SAXO1: variants seen among roughly 807,000 people sequenced by gnomAD.
SAXO1 encodes the protein stabilizer of axonemal microtubules 1, also known as 4930500O09Rik.
Under a neutral mutation model 17.5 loss-of-function variants are expected in SAXO1, and 21 were observed. The ratio of observed to expected loss-of-function variants is 1.20; its 90% CI spans 0.85 to 1.72. SAXO1 has a LOEUF of 1.72. Ranked by LOEUF, SAXO1 falls within the 40% of genes most tolerant of loss-of-function variation. SAXO1 has a pLI of 0.00. For synonymous variants in SAXO1, 274 were observed against 216.5 expected, an observed-to-expected ratio of 1.27 and a Z score of -2.33; for missense variants, 843 against 596.0, an observed-to-expected ratio of 1.41 and a Z score of -4.32.
intron 1 of SAXO1, among the ~76,000 whole-genome samples, chr9:18,965,505 T>TG (rs1832679717): frequency 6.6e-6 from 1 of 152,138 alleles, no homozygotes; most frequent in Admixed American, 6.5e-5. Flanking sequence ...CATTATGTAA[T>TG]GCCATTGTCT....
At chr9:19,014,963 G>C (rs1311989138) in intron 1 of SAXO1, among the ~76,000 whole-genome samples, 2 of 152,208 alleles carry the variant, frequency 1.3e-5, no homozygotes, top group South Asian at 4.2e-4. Flanking sequence ...AATACTTAAG[G>C]GGGTGGAGAG....
At chr9:19,032,350 G>A (rs1835806524) in intron 1 of SAXO1, among the ~76,000 whole-genome samples, 1 of 152,204 alleles carries the variant, frequency 6.6e-6, no homozygotes, top group Non-Finnish European at 1.5e-5. Flanking sequence ...GGTTAGAAGG[G>A]AGACCTGGCA....
chr9:18,960,543 T>G (rs1331378345), intron 1 of SAXO1, among the ~76,000 whole-genome samples: 1 of 152,144 alleles, frequency 6.6e-6, no homozygotes, highest in African/African-American at 2.4e-5. Flanking sequence ...TTTGGAAGAC[T>G]GAGGTGTGCA....
At chr9:18,963,824 C>G (rs905787808) in intron 1 of SAXO1, among the ~76,000 whole-genome samples, 2 of 152,136 alleles carry the variant, frequency 1.3e-5, no homozygotes, top group Non-Finnish European at 2.9e-5. Flanking sequence ...ATTTCCAATA[C>G]TGTGTTGAAT....
chr9:19,006,804 G>A (rs1834498541), intron 1 of SAXO1, among the ~76,000 whole-genome samples: 1 of 152,174 alleles, frequency 6.6e-6, no homozygotes, highest in Non-Finnish European at 1.5e-5. Context: ...CTAGCCCTCT[G>A]GGAGGCTGAG....
chr9:19,012,114 A>G (rs4977485), intron 1 of SAXO1, among the ~76,000 whole-genome samples: 152,181 of 152,190 alleles, frequency 1, 76,086 homozygotes, highest in Middle Eastern at 1. Flanking sequence ...AAAGTGCTGG[A>G]ATTACAGGCG....
intron 3 of SAXO1, among the ~76,000 whole-genome samples, chr9:18,932,896 T>G (rs1831116060): frequency 8.1e-6 from 1 of 124,106 alleles, no homozygotes; most frequent in Non-Finnish European, 1.7e-5. Context: ...CTCGCTGAAC[T>G]CATGTATTAG....
chr9:18,990,790 G>T (rs766941905), intron 1 of SAXO1, among the ~76,000 whole-genome samples: 2 of 152,150 alleles, frequency 1.3e-5, no homozygotes, highest in African/African-American at 2.4e-5. Context: ...GCATGCAAGC[G>T]ATCTAGGTTG....
At chr9:19,023,585 A>G (rs1000804153) in intron 1 of SAXO1, among the ~76,000 whole-genome samples, 1 of 152,190 alleles carries the variant, frequency 6.6e-6, no homozygotes, top group Non-Finnish European at 1.5e-5. Flanking sequence ...TGGAACTGCA[A>G]TACTCTGCCA....
intron 3 of SAXO1, among the ~76,000 whole-genome samples, chr9:18,931,339 T>C (rs377151183): frequency 6.6e-6 from 1 of 152,364 alleles, no homozygotes; most frequent in East Asian, 1.9e-4. Flanking sequence ...TAATGTAGCC[T>C]GTATCAGTAG....
At chr9:18,986,869 A>G (rs548811223) in intron 1 of SAXO1, among the ~76,000 whole-genome samples, 1 of 152,320 alleles carries the variant, frequency 6.6e-6, no homozygotes, top group Admixed American at 6.5e-5. Flanking sequence ...GCATTGTTTT[A>G]ATAAAATCAG....
At chr9:19,031,045 G>A (rs2131050974) in intron 1 of SAXO1, among the ~76,000 whole-genome samples, 1 of 152,332 alleles carries the variant, frequency 6.6e-6, no homozygotes, top group East Asian at 1.9e-4. Flanking sequence ...CTCCTTTGCA[G>A]GGACAGAATG....
intron 1 of SAXO1, among the ~76,000 whole-genome samples, chr9:18,979,929 A>G (rs185002446): frequency 2.6e-5 from 4 of 152,316 alleles, no homozygotes; most frequent in African/African-American, 9.6e-5. Flanking sequence ...AGTGTGAAAA[A>G]GAGAAAATAA....
chr9:19,000,035 C>G (rs1325033502), intron 1 of SAXO1, among the ~76,000 whole-genome samples: 1 of 145,696 alleles, frequency 6.9e-6, no homozygotes, highest in Non-Finnish European at 1.5e-5. Flanking sequence ...AAGTGAGGAG[C>G]GCCTCTGCCC....
At chr9:19,002,798 G>T (rs570671200) in intron 1 of SAXO1, among the ~76,000 whole-genome samples, 46 of 152,288 alleles carry the variant, frequency 3.0e-4, no homozygotes, top group African/African-American at 1.1e-3. Flanking sequence ...TACTAACTGG[G>T]CAAAAACTGG....
intron 1 of SAXO1, among the ~76,000 whole-genome samples, chr9:18,982,021 G>T (rs1006464606): frequency 6.6e-6 from 1 of 152,080 alleles, no homozygotes; most frequent in Non-Finnish European, 1.5e-5. Context: ...CCCAGACCAC[G>T]CCAGAGCGAC....
At chr9:18,957,829 AC>A (rs1289950637) in intron 1 of SAXO1, among the ~76,000 whole-genome samples, 3 of 152,136 alleles carry the variant, frequency 2.0e-5, no homozygotes, top group African/African-American at 7.2e-5. Context: ...TAAAGCCCAC[AC>A]TTTTCCTAAA....
chr9:18,966,386 T>C (rs1043212820), intron 1 of SAXO1, among the ~76,000 whole-genome samples: 1 of 152,210 alleles, frequency 6.6e-6, no homozygotes, highest in Non-Finnish European at 1.5e-5. Flanking sequence ...CAATCAAAAG[T>C]GGGTTTGGTC....
At chr9:18,954,196 T>A (rs1319879840) in intron 1 of SAXO1, among the ~76,000 whole-genome samples, 1 of 152,176 alleles carries the variant, frequency 6.6e-6, no homozygotes, top group Admixed American at 6.5e-5. Flanking sequence ...TAAAAGGACA[T>A]AACACTGACT....
Sources: allele counts gnomAD v4.1 joint callset (sites outside exome capture counted in the v4.1 genomes callset), GRCh38; gene constraint gnomAD v4.1.1; transcripts MANE v1.5; gene names NCBI Gene and HGNC (gene_info 2026-07-23, HGNC 2026-07-21).